SEC22C: variants seen among roughly 807,000 people sequenced by gnomAD.
SEC22C encodes the protein SEC22 homolog C, vesicle trafficking protein, also known as vesicle-trafficking protein SEC22c.
Under a neutral mutation model 34.7 loss-of-function variants are expected in SEC22C, and 29 were observed. That is an observed-to-expected ratio of 0.84 (90% CI 0.62 to 1.14). The LOEUF is 1.14. SEC22C is among the 50% of genes most tolerant of loss of function. SEC22C has a pLI of 0.00. For synonymous variants in SEC22C, 117 were observed against 132.8 expected, an observed-to-expected ratio of 0.88 and a Z score of 0.82; for missense variants, 337 against 369.0, an observed-to-expected ratio of 0.91 and a Z score of 0.71.
chr3:42,553,596 C>A, intron 6 of SEC22C, 148 bp from the exon 7 acceptor site: 1 of 1,227,774 alleles, frequency 8.1e-7, no homozygotes, highest in Non-Finnish European at 1.1e-6. Flanking sequence ...AAGCGTGGAC[C>A]CACTGGTTAG....
At chr3:42,585,675 A>G (rs1704586801), upstream of SEC22C, among the ~76,000 whole-genome samples, 1 of 152,222 alleles carries the variant, frequency 6.6e-6, no homozygotes, top group African/African-American at 2.4e-5. Context: ...TTCTGGCATA[A>G]CTAGAAGGAT....
intron 1 of SEC22C, chr3:42,580,349 A>G (rs1339429775): frequency 6.6e-6 from 1 of 152,246 alleles, no homozygotes; most frequent in African/African-American, 2.4e-5. Flanking sequence ...ATTCAAACAC[A>G]AAGTGTTCAC....
At chr3:42,594,415 C>A in intron 1 of SEC22C, 1 of 1,607,800 alleles carries the variant, frequency 6.2e-7, no homozygotes, top group Non-Finnish European at 8.5e-7. Context: ...TGTTTTTTTG[C>A]CCATAGGTAC....
chr3:42,568,897 T>C lies in SEC22C; in HGVS notation c.150A>G (p.Arg50=), dbSNP rs1703431089. Residue 50 remains arginine (R), a synonymous_variant, in exon 2 of 7, where the codon CGA becomes CGG. Coordinates refer to ENST00000264454, the MANE Select transcript of SEC22C (RefSeq NM_032970.4). ...LALRLAQYPG[R]GSAEGCDFSI... is the part of the protein sequence containing the mutation. ...TAAAGTCACAACCTTCTGCAGAACCTCGACCTGGATACTGGGCCAGTCGCA... is the reference window on the plus strand; with the variant it reads ...TAAAGTCACAACCTTCTGCAGAACCCCGACCTGGATACTGGGCCAGTCGCA... The C allele has an allele frequency of 6.2e-7, 1 of 1,614,060 alleles. No individual in the cohort carries two copies. The highest frequency in any genetic ancestry group is 1.1e-5 in the South Asian group (1 of 91,094).
intron 1 of SEC22C, chr3:42,600,910 A>C: frequency 1.1e-6 from 1 of 917,704 alleles, no homozygotes; most frequent in Non-Finnish European, 1.5e-6. Flanking sequence ...ACTTCGTCTC[A>C]GCCCCGCCCT....
chr3:42,564,154 A>G, intron 2 of SEC22C: 1 of 321,186 alleles, frequency 3.1e-6, no homozygotes, highest in Non-Finnish European at 6.0e-6. Context: ...TGTCTATGCA[A>G]ATAAGACTGG....
At chr3:42,578,373 T>C (rs1485494314) in intron 1 of SEC22C, among the ~76,000 whole-genome samples, 1 of 152,096 alleles carries the variant, frequency 6.6e-6, no homozygotes, top group African/African-American at 2.4e-5. Context: ...GACAAAATTA[T>C]AGAAATGGAG....
intron 4 of SEC22C, among the ~76,000 whole-genome samples, chr3:42,559,549 A>C (rs553336611): frequency 6.6e-6 from 1 of 152,262 alleles, no homozygotes; most frequent in Non-Finnish European, 1.5e-5. Context: ...AGCCAATCCA[A>C]GTATTGGTTG....
chr3:42,584,139 A>G (rs1322120290), upstream of SEC22C, among the ~76,000 whole-genome samples: 2 of 152,210 alleles, frequency 1.3e-5, no homozygotes, highest in Non-Finnish European at 2.9e-5. Flanking sequence ...ATATAGATCT[A>G]TATTGTAGAT....
chr3:42,595,300 T>C (rs1274890890), intron 1 of SEC22C, among the ~76,000 whole-genome samples: 1 of 152,214 alleles, frequency 6.6e-6, no homozygotes, highest in Admixed American at 6.5e-5. Flanking sequence ...TTTTTTTCTT[T>C]ATTTGTTGAA....
chr3:42,567,869 A>T (rs1703350129), intron 2 of SEC22C, among the ~76,000 whole-genome samples: 1 of 152,088 alleles, frequency 6.6e-6, no homozygotes, highest in South Asian at 2.1e-4. Context: ...TCAGGAGCTC[A>T]AGAGCAGCCT....
In SEC22C at chr3:42,551,023, C is replaced by A; in HGVS notation, c.*2225G>T. 3.8e-6 allele frequency: 3 copies of A among 791,538 alleles called. No homozygotes were observed. The highest frequency in any genetic ancestry group is 4.6e-6 in the Non-Finnish European group (3 of 653,418). 49.0% of individuals were successfully genotyped at this position (791,538 alleles called of 1,614,324 possible). A position where few individuals can be genotyped will look rare whatever the true frequency, so the allele number is the denominator to read the frequency against. ...AGCTGGGGCTACAGGCACAAGCCAC[C>A]GTGCCCAGCTAATTTTTGTATTTTT... On this transcript the variant is annotated 3_prime_UTR_variant, in exon 7 of 7. Coordinates refer to ENST00000264454, the MANE Select transcript of SEC22C (RefSeq NM_032970.4).
In SEC22C at chr3:42,561,202, C is replaced by T. The variant is rs370758969; in HGVS notation, c.441G>A (p.Leu147=). 72 of 1,614,074 alleles carry T rather than the reference C, an allele frequency of 4.5e-5. No homozygotes were observed. The highest frequency in any genetic ancestry group is 2.6e-4 in the South Asian group (24 of 91,086). Residue 147 remains leucine, a synonymous_variant, in exon 4 of 7, where the codon TTG becomes TTA. Transcript: ENST00000264454. The stretch of plus-strand genomic sequence containing the variant: ...CCAGAGTGAGAACCGCTGGAGGCTG[C>T]AACTTGAGCTCCTCCTGAATTTTTT... ...SLEKIQEELK[L]QPPAVLTLED... is the part of the protein sequence containing the mutation.
intron 1 of SEC22C, among the ~76,000 whole-genome samples, chr3:42,572,709 C>T (rs185566839): frequency 6.6e-6 from 1 of 152,252 alleles, no homozygotes. Context: ...TAGTAAGATT[C>T]AGATCTCAAA....
At chr3:42,566,015 G>C in intron 2 of SEC22C, 1 of 399,548 alleles carries the variant, frequency 2.5e-6, no homozygotes, top group Non-Finnish European at 4.8e-6. Flanking sequence ...TAAATCTGAA[G>C]TCTTAGACTT....
chr3:42,596,327 T>A (rs1705029378), intron 1 of SEC22C, among the ~76,000 whole-genome samples: 1 of 152,220 alleles, frequency 6.6e-6, no homozygotes, highest in South Asian at 2.1e-4. Context: ...CAGCCGATCA[T>A]TTCTGTTTTC....
At chr3:42,568,613 T>C (rs1481837982) in intron 2 of SEC22C, among the ~76,000 whole-genome samples, 1 of 144,206 alleles carries the variant, frequency 6.9e-6, no homozygotes, top group Admixed American at 7.1e-5. Context: ...GCCACTGCAC[T>C]CCAGCCTGGG....
At chr3:42,600,620 T>A (rs1231860409) in intron 1 of SEC22C, 1 of 160,746 alleles carries the variant, frequency 6.2e-6, no homozygotes, top group Non-Finnish European at 1.4e-5. Flanking sequence ...GACTGTACTC[T>A]CGCGGTATTT....
chr3:42,591,617 C>T, intron 1 of SEC22C: 1 of 1,593,974 alleles, frequency 6.3e-7, no homozygotes. Context: ...TACCCCCACC[C>T]CCGCGCCCCT....
Sources: allele counts gnomAD v4.1 joint callset (sites outside exome capture counted in the v4.1 genomes callset), GRCh38; gene constraint gnomAD v4.1.1; transcripts MANE v1.5; gene names NCBI Gene and HGNC (gene_info 2026-07-23, HGNC 2026-07-21).